Variants in SEPTIN7 observed in about 807,000 individuals in gnomAD.
SEPTIN7 encodes the protein septin 7.
In SEPTIN7, 10 loss-of-function variants were observed where a neutral mutation model predicts 63.3. The ratio of observed to expected loss-of-function variants is 0.16; its 90% CI spans 0.10 to 0.27. The LOEUF (loss-of-function observed/expected upper bound fraction) is 0.27. SEPTIN7 is among the 10% of genes least tolerant of loss of function. The pLI is 1.00. For synonymous variants in SEPTIN7, 131 were observed against 165.3 expected, an observed-to-expected ratio of 0.79 and a Z score of 1.59; for missense variants, 310 against 521.0, an observed-to-expected ratio of 0.59 and a Z score of 3.94.
chr7:35,807,516 C>T (rs1788429063), intron 1 of SEPTIN7, among the ~76,000 whole-genome samples: 1 of 152,104 alleles, frequency 6.6e-6, no homozygotes, highest in African/African-American at 2.4e-5. Flanking sequence ...AGGCGCCCGC[C>T]ACCGCGCCCG....
intron 1 of SEPTIN7, among the ~76,000 whole-genome samples, chr7:35,825,207 C>T (rs1268821014): frequency 2.0e-5 from 3 of 152,118 alleles, no homozygotes; most frequent in Non-Finnish European, 4.4e-5. Context: ...ATTGTGCATT[C>T]CTCTTTGTAT....
chr7:35,866,799 T>C (rs1245136791), intron 4 of SEPTIN7, among the ~76,000 whole-genome samples: 2 of 152,184 alleles, frequency 1.3e-5, no homozygotes, highest in East Asian at 3.8e-4. Flanking sequence ...TCTGTGCATT[T>C]CCAGATGCGA....
chr7:35,801,431 G>C (rs1787961861), intron 1 of SEPTIN7, among the ~76,000 whole-genome samples, 161 bp downstream of exon 1: 1 of 152,098 alleles, frequency 6.6e-6, no homozygotes, highest in Non-Finnish European at 1.5e-5. Context: ...GCGCGGCAGC[G>C]GCGGGCTCGG....
At chr7:35,831,892 T>C in intron 2 of SEPTIN7, 1 of 295,462 alleles carries the variant, frequency 3.4e-6, no homozygotes, top group Non-Finnish European at 6.6e-6. Flanking sequence ...AGAATTTAAA[T>C]GTGGCAGAAA....
At chr7:35,869,499 A>G in intron 4 of SEPTIN7, among the ~76,000 whole-genome samples, 1 of 152,224 alleles carries the variant, frequency 6.6e-6, no homozygotes, top group East Asian at 1.9e-4. Flanking sequence ...CTCTTGAGCA[A>G]GTGAAGGTAG....
intron 12 of SEPTIN7, chr7:35,902,091 TA>T (rs1302045081): frequency 6.6e-6 from 1 of 150,916 alleles, no homozygotes; most frequent in Non-Finnish European, 1.5e-5. Flanking sequence ...AACATTATGT[TA>T]ATGTTAACTC....
chr7:35,872,621 T>C (rs1388135006), intron 4 of SEPTIN7, 45 bp from the exon 5 acceptor site: 11 of 1,408,634 alleles, frequency 7.8e-6, no homozygotes, highest in Non-Finnish European at 1.0e-5. Context: ...AGGAAATCAC[T>C]GATGTAATGT....
At chr7:35,904,007 G>A (rs1159155984) in intron 13 of SEPTIN7, among the ~76,000 whole-genome samples, 1 of 152,090 alleles carries the variant, frequency 6.6e-6, no homozygotes, top group Non-Finnish European at 1.5e-5. Flanking sequence ...ATATTAAAAT[G>A]GAGTTTTGCC....
intron 12 of SEPTIN7, chr7:35,901,489 T>C (rs1788318685): frequency 6.6e-6 from 1 of 152,196 alleles, no homozygotes; most frequent in Admixed American, 6.5e-5. Flanking sequence ...ATAAATATAG[T>C]GTATACTCCT....
rs1292184736 is a variant in SEPTIN7 at position 35,859,101 on chromosome 7, TG to T, written c.170-4450del. ...AGTTCCTTATGGTGTAAACATAGGT[TG>T]TTTTTTTAAAATCTTCATTTTTATA... On this transcript the variant is annotated intron_variant, in intron 3 of 13. Transcript: ENST00000350320. 7.9e-5 allele frequency among the ~76,000 whole-genome samples: 12 copies of T among 152,204 alleles called. 1 individual carries two copies. The highest frequency in any genetic ancestry group is 7.8e-4 in the Admixed American group (12 of 15,290).
At chr7:35,873,542 C>T in intron 5 of SEPTIN7, 99 bp from the exon 6 acceptor site, 2 of 1,132,668 alleles carry the variant, frequency 1.8e-6, no homozygotes, top group African/African-American at 1.6e-5. Flanking sequence ...CTGGTAAATT[C>T]ATTTTGCCCA....
chr7:35,813,390 T>C (rs1788856875), intron 1 of SEPTIN7, among the ~76,000 whole-genome samples: 1 of 152,018 alleles, frequency 6.6e-6, no homozygotes, highest in Admixed American at 6.6e-5. Flanking sequence ...AGTCTCGCTC[T>C]GTCACCCAGA....
At chr7:35,898,519 T>G (rs1562590252) in intron 12 of SEPTIN7, 136 bp downstream of exon 12, 4 of 561,972 alleles carry the variant, frequency 7.1e-6, no homozygotes. Context: ...ACAAAACGGA[T>G]AAATTTCTAG....
chr7:35,908,803 T>A (rs533494554), downstream of SEPTIN7, among the ~76,000 whole-genome samples: 26 of 152,374 alleles, frequency 1.7e-4, no homozygotes, highest in Admixed American at 4.6e-4. Flanking sequence ...CAGATTCCCC[T>A]GGGTGAGGGG....
chr7:35,912,238 G>A, the SEPTIN7 span, among the ~76,000 whole-genome samples: 1,890 of 152,318 alleles, frequency 0.012, 56 homozygotes, highest in East Asian at 0.12. Flanking sequence ...AAGGTTGTGG[G>A]TTTACCGGAA....
chr7:35,801,897 C>G (rs1313006204), intron 1 of SEPTIN7, among the ~76,000 whole-genome samples: 1 of 152,154 alleles, frequency 6.6e-6, no homozygotes, highest in South Asian at 2.1e-4. Flanking sequence ...CGCTCCTCCT[C>G]CCGCCTCTCG....
intron 11 of SEPTIN7, among the ~76,000 whole-genome samples, chr7:35,897,324 G>A (rs1788014268): frequency 6.6e-6 from 1 of 152,064 alleles, no homozygotes; most frequent in African/African-American, 2.4e-5. Context: ...GATTCTCAAA[G>A]CAAAGAGCCC....
At chr7:35,831,430 CT>C (rs1325359458) in intron 1 of SEPTIN7, 61 bp from the exon 2 acceptor site, 4 of 431,600 alleles carry the variant, frequency 9.3e-6, no homozygotes, top group Non-Finnish European at 1.4e-5. Context: ...TACTGTTCCT[CT>C]GTGGATTTCT....
intron 3 of SEPTIN7, among the ~76,000 whole-genome samples, chr7:35,859,997 T>C (rs1785417459): frequency 6.6e-6 from 1 of 152,164 alleles, no homozygotes; most frequent in Non-Finnish European, 1.5e-5. Flanking sequence ...AAGGAAGAAC[T>C]AACTTGCCAT....
Sources: allele counts gnomAD v4.1 joint callset (sites outside exome capture counted in the v4.1 genomes callset), GRCh38; gene constraint gnomAD v4.1.1; transcripts MANE v1.5; gene names NCBI Gene and HGNC (gene_info 2026-07-23, HGNC 2026-07-21).